The following MYO10 variants were observed in gnomAD, a reference collection of about 807,000 sequenced individuals.
The protein encoded by MYO10 is myosin X.
Under a neutral mutation model 257.3 loss-of-function variants are expected in MYO10, and 133 were observed. The observed-to-expected ratio is 0.52, with a 90% CI of 0.45 to 0.60. The LOEUF is 0.60. MYO10 is among the 20% of genes least tolerant of loss of function. The pLI is 0.00. For synonymous variants in MYO10, 1,104 were observed against 1,028.6 expected, an observed-to-expected ratio of 1.07 and a Z score of -1.40; for missense variants, 2,399 against 2,635.7, an observed-to-expected ratio of 0.91 and a Z score of 1.97.
intron 19 of MYO10, among the ~76,000 whole-genome samples, chr5:16,721,973 G>A (rs1454453260): frequency 1.3e-5 from 2 of 152,050 alleles, no homozygotes; most frequent in Admixed American, 6.5e-5. Context: ...CAGTCAATAC[G>A]CCCTTATACA....
chr5:16,909,771 G>T (rs936645670), intron 1 of MYO10, among the ~76,000 whole-genome samples: 7 of 152,160 alleles, frequency 4.6e-5, no homozygotes, highest in Non-Finnish European at 8.8e-5. Flanking sequence ...GGTGGGAAGT[G>T]TTCATGATCG....
At chr5:16,688,753 A>AAG (rs1561182908) in intron 28 of MYO10, among the ~76,000 whole-genome samples, 2 of 151,614 alleles carry the variant, frequency 1.3e-5, no homozygotes, top group African/African-American at 4.8e-5. Context: ...AAAAAAAGAA[A>AAG]AAAAAAAAAA....
At chr5:16,915,941 A>G in intron 1 of MYO10, 1 of 433,438 alleles carries the variant, frequency 2.3e-6, no homozygotes, top group Non-Finnish European at 4.6e-6. Context: ...TGGGCGACAG[A>G]GCGAGACTCT....
At chr5:16,885,785 T>A (rs1024063017) in intron 1 of MYO10, among the ~76,000 whole-genome samples, 37 of 152,078 alleles carry the variant, frequency 2.4e-4, no homozygotes, top group Admixed American at 2.2e-3. Context: ...GAGGGAGCAC[T>A]GTGAGCTGGG....
At chr5:16,757,825 C>A (rs1029639392) in intron 18 of MYO10, among the ~76,000 whole-genome samples, 4 of 152,142 alleles carry the variant, frequency 2.6e-5, no homozygotes, top group African/African-American at 9.7e-5. Context: ...CCACCGCACC[C>A]AGATAATTTC....
intron 1 of MYO10, among the ~76,000 whole-genome samples, chr5:16,898,707 C>A (rs1745288511): frequency 6.6e-6 from 1 of 151,692 alleles, no homozygotes; most frequent in Non-Finnish European, 1.5e-5. Flanking sequence ...CCATGCCTGG[C>A]CCCATTGTCA....
chr5:16,779,063 G>A (rs981518513), intron 9 of MYO10, among the ~76,000 whole-genome samples: 1 of 152,126 alleles, frequency 6.6e-6, no homozygotes, highest in Non-Finnish European at 1.5e-5. Flanking sequence ...TTTCCTGATC[G>A]TGTGACAAGA....
intron 19 of MYO10, among the ~76,000 whole-genome samples, chr5:16,722,267 T>C (rs548355795): frequency 6.6e-6 from 1 of 152,352 alleles, no homozygotes; most frequent in South Asian, 2.1e-4. Context: ...ATCTTAAGCA[T>C]GTCCATGTGA....
chr5:16,685,450 G>A (rs111411163), intron 29 of MYO10, among the ~76,000 whole-genome samples: 3,277 of 151,984 alleles, frequency 0.022, 71 homozygotes, highest in South Asian at 0.11. Context: ...GGCCTCAAAT[G>A]ATCCTCCCAC....
At chr5:16,820,770 TA>T (rs1468086948) in intron 2 of MYO10, among the ~76,000 whole-genome samples, 1 of 151,934 alleles carries the variant, frequency 6.6e-6, no homozygotes, top group African/African-American at 2.4e-5. Context: ...TAATCATACA[TA>T]ATACTTAAGA....
chr5:16,876,675 C>T (rs1050985355), intron 2 of MYO10, among the ~76,000 whole-genome samples: 5 of 152,122 alleles, frequency 3.3e-5, no homozygotes, highest in Admixed American at 6.6e-5. Flanking sequence ...CTGCCTCAGC[C>T]CCCCAATTAG....
intron 2 of MYO10, among the ~76,000 whole-genome samples, chr5:16,859,275 T>C (rs1437702878): frequency 6.6e-6 from 1 of 152,194 alleles, no homozygotes; most frequent in Non-Finnish European, 1.5e-5. Context: ...AGTGTTGCTT[T>C]CTGGTTCATA....
intron 19 of MYO10, among the ~76,000 whole-genome samples, chr5:16,734,462 T>C (rs987516248): frequency 1.3e-5 from 2 of 152,150 alleles, no homozygotes; most frequent in South Asian, 2.1e-4. Flanking sequence ...AACACACCTG[T>C]TTTTTGCTGG....
At chr5:16,725,249 G>A (rs1343435220) in intron 19 of MYO10, among the ~76,000 whole-genome samples, 3 of 151,728 alleles carry the variant, frequency 2.0e-5, no homozygotes, top group African/African-American at 7.3e-5. Context: ...ACCATGCCTA[G>A]CTAATTTTGC....
At chr5:16,843,017 C>G (rs1239445095) in intron 2 of MYO10, among the ~76,000 whole-genome samples, 3 of 151,658 alleles carry the variant, frequency 2.0e-5, no homozygotes, top group African/African-American at 7.3e-5. Context: ...AATCATGAAA[C>G]TGTCAGGACT....
At chr5:16,774,014 T>G (rs1158243630) in intron 9 of MYO10, among the ~76,000 whole-genome samples, 1 of 152,228 alleles carries the variant, frequency 6.6e-6, no homozygotes, top group African/African-American at 2.4e-5. Context: ...TATTGTTTCT[T>G]ACTCTCCTAT....
intron 30 of MYO10, 61 bp downstream of exon 30, chr5:16,683,819 G>A (rs759794831): frequency 3.9e-6 from 6 of 1,521,106 alleles, no homozygotes; most frequent in Admixed American, 1.7e-5. Flanking sequence ...CAGCAGCACA[G>A]ACACCTGTGG....
intron 1 of MYO10, among the ~76,000 whole-genome samples, chr5:16,888,350 G>A (rs535505747): frequency 1.3e-5 from 2 of 150,238 alleles, no homozygotes; most frequent in Middle Eastern, 6.8e-3. Flanking sequence ...GCAAGATGGT[G>A]AGACTTCATC....
intron 4 of MYO10, among the ~76,000 whole-genome samples, chr5:16,794,177 T>C (rs547071154): frequency 1.3e-5 from 2 of 152,094 alleles, no homozygotes; most frequent in South Asian, 4.1e-4. Context: ...AATTCCTAAA[T>C]TTGGGAGATT....
Sources: gnomAD v4.1 joint callset for allele counts (sites outside exome capture counted in the v4.1 genomes callset) on GRCh38, gnomAD v4.1.1 for gene constraint, MANE v1.5 for transcripts, NCBI Gene and HGNC (gene_info 2026-07-23, HGNC 2026-07-21) for gene names.